The following NIN variants were observed in gnomAD, a reference collection of about 807,000 sequenced individuals.
NIN encodes glycogen synthase kinase 3 beta-interacting protein.
NIN carries 137 observed loss-of-function variants against 257.6 expected under a neutral mutation model. That is an observed-to-expected ratio of 0.53 (90% confidence interval 0.46 to 0.61). NIN has a LOEUF of 0.61. NIN is among the 20% of genes least tolerant of loss of function. The probability of loss-of-function intolerance (pLI) is 0.00; values close to 1 mark genes in which losing one functional copy is unlikely to be tolerated. For synonymous variants in NIN, 918 were observed against 919.8 expected, an observed-to-expected ratio of 1.00 and a Z score of 0.04; for missense variants, 2,439 against 2,501.2, an observed-to-expected ratio of 0.98 and a Z score of 0.53.
At chr14:50,821,201 C>T (rs564033998) in intron 3 of NIN, among the ~76,000 whole-genome samples, 67 of 152,264 alleles carry the variant, frequency 4.4e-4, no homozygotes, top group African/African-American at 1.5e-3. Flanking sequence ...TGAAGGCAAT[C>T]TCAGGTCATG....
chr14:50,741,730 T>G lies in NIN; in HGVS notation c.5302-2A>C. 1 of 1,613,034 alleles carries G rather than the reference T, an allele frequency of 6.2e-7. No homozygotes were observed. Among genetic ancestry groups the G allele is most frequent in the Non-Finnish European group, 8.5e-7 (1 of 1,179,628 alleles). ...CACGGTGTCTTCTAAATTCTGAACC[T>G]GTATTGTGAGAATGATCTTTTACTG... On this transcript the variant is annotated splice_acceptor_variant, in intron 24 of 30. Transcript: ENST00000530997. LOFTEE classifies it high-confidence loss of function.
At chr14:50,752,910 G>C (rs956198676) in intron 20 of NIN, among the ~76,000 whole-genome samples, 177 bp from the exon 21 acceptor site, 3 of 151,870 alleles carry the variant, frequency 2.0e-5, no homozygotes, top group Non-Finnish European at 4.4e-5. Flanking sequence ...CCATTCACAA[G>C]TGTATGAAGA....
In NIN at chr14:50,725,723, T is replaced by C. The variant is rs193082701; in HGVS notation, c.6192+230A>G. On this transcript the variant is annotated intron_variant, in intron 30 of 30. Coordinates refer to ENST00000530997, the MANE Select transcript of NIN (RefSeq NM_020921.4). ...ATCATGTTAGCAAAGATTTACACTT[T>C]TAAATTGTGGACAAACATGCCTTAA... is the stretch of plus-strand genomic sequence containing the variant. The C allele has an allele frequency of 6.0e-6, 4 of 662,944 alleles. No homozygotes were observed. The Admixed American group carries it at 9.0e-5, about 15-fold the overall frequency. 41.1% of individuals were successfully genotyped at this position (662,944 alleles called of 1,614,324 possible).
intron 3 of NIN, among the ~76,000 whole-genome samples, chr14:50,813,554 C>T (rs1046549552): frequency 1.3e-5 from 2 of 152,146 alleles, no homozygotes; most frequent in African/African-American, 4.8e-5. Flanking sequence ...CATATGAATG[C>T]TTTTTTAGAA....
At chr14:50,725,851 T>A in intron 30 of NIN, 102 bp downstream of exon 30, 1 of 1,594,296 alleles carries the variant, frequency 6.3e-7, no homozygotes, top group Non-Finnish European at 8.6e-7. Context: ...TTGCCTTTAT[T>A]AGACAACATA....
chr14:50,767,564 T>C (rs1423284692), intron 12 of NIN, among the ~76,000 whole-genome samples: 1 of 152,074 alleles, frequency 6.6e-6, no homozygotes, highest in Non-Finnish European at 1.5e-5. Context: ...ACGCCTGTAA[T>C]CCCAGCACTT....
At chr14:50,826,517 C>T (rs1332658501) in intron 2 of NIN, among the ~76,000 whole-genome samples, 1 of 152,140 alleles carries the variant, frequency 6.6e-6, no homozygotes, top group South Asian at 2.1e-4. Context: ...TGTTCATTAC[C>T]CCAGCTGATG....
At chr14:50,749,825 G>A (rs989850808) in intron 21 of NIN, among the ~76,000 whole-genome samples, 8 of 152,058 alleles carry the variant, frequency 5.3e-5, no homozygotes, top group Admixed American at 5.2e-4. Flanking sequence ...GAATAGCTGG[G>A]ACTATAGGGG....
intron 2 of NIN, among the ~76,000 whole-genome samples, chr14:50,827,076 G>A (rs892237592): frequency 5.9e-5 from 9 of 152,130 alleles, no homozygotes; most frequent in African/African-American, 2.2e-4. Flanking sequence ...GCCTAATAAC[G>A]CCAATGATCA....
chr14:50,780,098 T>C (rs1264131787), intron 5 of NIN, among the ~76,000 whole-genome samples: 1 of 152,220 alleles, frequency 6.6e-6, no homozygotes, highest in African/African-American at 2.4e-5. Flanking sequence ...CCGGGGATAG[T>C]ACAGGTCGTC....
rs148473555 is a variant in NIN, at chr14:50,773,089, C to T, written c.673G>A (p.Glu225Lys). Residue 225 changes from glutamate (E) to lysine (K), a missense_variant, in exon 8 of 31, where the codon GAG becomes AAG. By Grantham distance (56) the Glu-to-Lys change is moderately conservative. This residue lies in a region of NIN where 387 missense variants were observed against 427.3 expected (regional missense o/e 0.91). Transcript: ENST00000530997. Reference protein sequence around the residue: ...GLQNVDGEMLEEVFHNLDPDG... With the variant: ...GLQNVDGEMLKEVFHNLDPDG... ...GGATCAAGATTATGGAATACTTCCT[C>T]GAGCATCTAGAAAAGAGTCATCACA... 1.2e-4 allele frequency: 186 copies of T among 1,610,188 alleles called. No individual in the cohort carries two copies. In the African/African-American group the frequency reaches 2.1e-3, roughly 18 times the overall value.
intron 28 of NIN, among the ~76,000 whole-genome samples, chr14:50,731,648 C>G (rs933982622): frequency 2.0e-5 from 3 of 151,822 alleles, no homozygotes; most frequent in African/African-American, 7.3e-5. Context: ...ATCCTGGCAA[C>G]GTGGTGAAAT....
chr14:50,817,558 C>T lies in NIN; in HGVS notation c.183+4316G>A, dbSNP rs562572726. On this transcript the variant is annotated intron_variant, in intron 3 of 30. Transcript: ENST00000530997. ...GATTACCAAAGTCTAGATTACCTAC[C>T]GGACTCTAGAAACCAGTGGTGATTC... 2.7e-3 allele frequency among the ~76,000 whole-genome samples: 416 copies of T among 152,134 alleles called. 2 individuals are homozygous for T. Among genetic ancestry groups the T allele is most frequent in the Non-Finnish European group, 4.6e-3 (313 of 68,010 alleles).
chr14:50,726,252 T>C lies in NIN; in HGVS notation c.6079-186A>G, dbSNP rs989032128. 3 of 537,956 alleles carry C rather than the reference T, an allele frequency of 5.6e-6. No homozygotes were observed. The African/African-American group carries it at 5.6e-5, about 10-fold the overall frequency. The allele number at this position is 537,956 out of a possible 1,614,324, so 33.3% of individuals were successfully genotyped here. On this transcript the variant is annotated intron_variant, in intron 29 of 30. Transcript: ENST00000530997. ...TGCATATGTCAGAAAAGTAACCCTA[T>C]CAGATAAAGGATCAGACTGAAAAAT...
chr14:50,723,937 G>A (rs944644823), intron 30 of NIN: 2 of 364,992 alleles, frequency 5.5e-6, no homozygotes, highest in African/African-American at 2.1e-5. Context: ...GGCACCAAAA[G>A]TTTTTTTTCT....
chr14:50,821,836 C>T, intron 3 of NIN, 38 bp downstream of exon 3: 4 of 1,567,502 alleles, frequency 2.6e-6, no homozygotes, highest in Non-Finnish European at 3.5e-6. Context: ...AGAAACCGCA[C>T]CCCACTTCCC....
chr14:50,745,529 T>C (rs2094180812), intron 22 of NIN, among the ~76,000 whole-genome samples: 1 of 152,238 alleles, frequency 6.6e-6, no homozygotes, highest in Non-Finnish European at 1.5e-5. Context: ...CCTGAAATTC[T>C]TTCACATTTA....
intron 21 of NIN, among the ~76,000 whole-genome samples, chr14:50,748,713 G>C (rs1032587787): frequency 1.2e-4 from 18 of 152,148 alleles, no homozygotes; most frequent in Non-Finnish European, 2.2e-4. Flanking sequence ...ATTCACAATT[G>C]CTATAAAGAG....
chr14:50,763,682 A>T, intron 15 of NIN, 144 bp downstream of exon 15: 1 of 642,074 alleles, frequency 1.6e-6, no homozygotes, highest in Non-Finnish European at 2.6e-6. Flanking sequence ...ACCACAAGTG[A>T]AACAGCTCAA....
Sources: allele counts gnomAD v4.1 joint callset (sites outside exome capture counted in the v4.1 genomes callset), GRCh38; gene constraint gnomAD v4.1.1; regional missense constraint gnomAD v4.1.1; transcripts MANE v1.5; gene names NCBI Gene and HGNC (gene_info 2026-07-23, HGNC 2026-07-21).